IGF2BP2: variants seen among roughly 807,000 people sequenced by gnomAD.
IGF2BP2 encodes insulin-like growth factor 2 mRNA-binding protein 2.
IGF2BP2 carries 17 observed loss-of-function variants against 75.8 expected under a neutral mutation model. The ratio of observed to expected loss-of-function variants is 0.22; its 90% CI spans 0.15 to 0.34. The LOEUF (loss-of-function observed/expected upper bound fraction) is 0.34. Among genes scored for constraint, IGF2BP2 ranks in the 10% least tolerant of loss-of-function variants. The pLI, the probability that IGF2BP2 is intolerant of heterozygous loss-of-function variation, is 1.00. For missense variants in IGF2BP2, 516 were observed against 772.4 expected (o/e 0.67, Z 3.93); for synonymous variants, 288 against 295.6 (o/e 0.97, Z 0.26).
At chr3:185,687,265 C>A in intron 6 of IGF2BP2, 74 bp from the exon 7 acceptor site, 1 of 1,460,652 alleles carries the variant, frequency 6.8e-7, no homozygotes, top group South Asian at 1.4e-5. Context: ...AAGCGTCACA[C>A]CAACCCATGT....
intron 7 of IGF2BP2, among the ~76,000 whole-genome samples, chr3:185,677,066 T>TAGAGAGAGAGAGAGAG (rs1185215668): frequency 3.4e-4 from 13 of 38,380 alleles, no homozygotes; most frequent in African/African-American, 1.5e-3. Context: ...TATATATATA[T>TAGAGAGAGAGAGAGAG]ATAGAGAGAG....
intron 2 of IGF2BP2, among the ~76,000 whole-genome samples, chr3:185,703,732 C>A (rs1723624481): frequency 6.6e-6 from 1 of 152,104 alleles, no homozygotes; most frequent in Admixed American, 6.6e-5. Flanking sequence ...CGAGACTGAG[C>A]CACTGCACTC....
At chr3:185,659,008 A>G (rs1715943895) in intron 10 of IGF2BP2, among the ~76,000 whole-genome samples, 1 of 152,144 alleles carries the variant, frequency 6.6e-6, no homozygotes, top group Non-Finnish European at 1.5e-5. Context: ...TGGGTTCAGG[A>G]ACTTGAGACT....
At chr3:185,663,809 T>G (rs1716862309) in intron 10 of IGF2BP2, among the ~76,000 whole-genome samples, 2 of 152,382 alleles carry the variant, frequency 1.3e-5, no homozygotes, top group Admixed American at 1.3e-4. Flanking sequence ...ATGATTGATT[T>G]GCATATGTCA....
rs1737053342 is a variant in IGF2BP2, at chr3:185,794,331, A to T, written c.239+28822T>A. ...GGTGTGTCTGGCTCCTTATCCTCAC[A>T]CAGGCAGTTGTTCCTAAATATTTCT... On this transcript the variant is annotated intron_variant, in intron 2 of 15. Coordinates refer to ENST00000382199, the MANE Select transcript of IGF2BP2 (RefSeq NM_006548.6). Among the ~76,000 whole-genome samples, 3 of 85,410 alleles carry T rather than the reference A, an allele frequency of 3.5e-5. 1 individual carries two copies. Among genetic ancestry groups the T allele is most frequent in the African/African-American group, 5.8e-5 (1 of 17,294 alleles). 56.0% of individuals were successfully genotyped at this position (85,410 alleles called of 152,430 possible).
chr3:185,777,235 G>A (rs374842847), intron 2 of IGF2BP2, among the ~76,000 whole-genome samples: 16 of 152,294 alleles, frequency 1.1e-4, no homozygotes, highest in African/African-American at 3.4e-4. Context: ...ATAAAGAAGA[G>A]TTAAGTTTTT....
chr3:185,752,682 C>T (rs923190795), intron 2 of IGF2BP2, among the ~76,000 whole-genome samples: 2 of 152,030 alleles, frequency 1.3e-5, no homozygotes, highest in African/African-American at 4.8e-5. Context: ...CTCCACCTCC[C>T]GGGTTCAAGC....
At chr3:185,769,466 T>TA (rs1211975229) in intron 2 of IGF2BP2, among the ~76,000 whole-genome samples, 4 of 151,948 alleles carry the variant, frequency 2.6e-5, no homozygotes, top group Non-Finnish European at 4.4e-5. Flanking sequence ...CATAACCAAG[T>TA]AAAGGTATTC....
At chr3:185,811,422 A>G (rs541600245) in intron 2 of IGF2BP2, among the ~76,000 whole-genome samples, 1 of 152,320 alleles carries the variant, frequency 6.6e-6, no homozygotes, top group East Asian at 1.9e-4. Flanking sequence ...TGTGGCAGAG[A>G]CTGCAAACTG....
In IGF2BP2 at chr3:185,823,137, A is replaced by G. The variant is rs750393330; in HGVS notation, c.239+16T>C. The G allele has an allele frequency of 8.9e-6, 14 of 1,568,762 alleles. No individual in the cohort carries two copies. Among genetic ancestry groups the G allele is most frequent in the African/African-American group, 2.8e-5 (2 of 72,400 alleles). ...AAGGCCAATCGCAAAAAAAAAACTA[A>G]GCAAAGTATATTTACCTTAGCTTTT... On this transcript the variant is annotated intron_variant, in intron 2 of 15. Coordinates refer to ENST00000382199, the MANE Select transcript of IGF2BP2 (RefSeq NM_006548.6).
At chr3:185,814,286 TTAAA>T (rs1330251780) in intron 2 of IGF2BP2, among the ~76,000 whole-genome samples, 2 of 152,286 alleles carry the variant, frequency 1.3e-5, no homozygotes, top group South Asian at 2.1e-4. Context: ...TCTGACTCTC[TTAAA>T]TAAAGGGGCA....
At chr3:185,784,678 G>A (rs1560465405) in intron 2 of IGF2BP2, among the ~76,000 whole-genome samples, 1 of 152,250 alleles carries the variant, frequency 6.6e-6, no homozygotes, top group South Asian at 2.1e-4. Context: ...ACTGGTAGTA[G>A]AAACCAAGTC....
chr3:185,790,548 A>G (rs1423174755), intron 2 of IGF2BP2, among the ~76,000 whole-genome samples: 1 of 152,180 alleles, frequency 6.6e-6, no homozygotes, highest in African/African-American at 2.4e-5. Context: ...AACCCCAGCC[A>G]CCAGCCAATC....
intron 2 of IGF2BP2, among the ~76,000 whole-genome samples, chr3:185,747,281 G>A (rs754860944): frequency 7.9e-5 from 12 of 152,136 alleles, no homozygotes; most frequent in African/African-American, 2.2e-4. Context: ...GTAACGCTAC[G>A]ATTTATCACT....
At chr3:185,754,652 T>A (rs546651996) in intron 2 of IGF2BP2, among the ~76,000 whole-genome samples, 2 of 151,982 alleles carry the variant, frequency 1.3e-5, no homozygotes, top group African/African-American at 4.8e-5. Context: ...GATAGAGATA[T>A]GGACAGTGAA....
chr3:185,713,043 G>C (rs1163943029), intron 2 of IGF2BP2, among the ~76,000 whole-genome samples: 4 of 152,086 alleles, frequency 2.6e-5, no homozygotes, highest in Non-Finnish European at 5.9e-5. Context: ...ACAGAATAGA[G>C]GGTGTTGCAT....
Position 185,820,216 on chromosome 3 carries a change from GTA to G in IGF2BP2, c.239+2935_239+2936del, listed in dbSNP as rs200318221. 9.8e-4 allele frequency among the ~76,000 whole-genome samples: 129 copies of G among 131,686 alleles called. 1 individual carries two copies. Among genetic ancestry groups the G allele is most frequent in the South Asian group, 5.9e-3 (25 of 4,248 alleles). 86.4% of individuals were successfully genotyped at this position (131,686 alleles called of 152,430 possible). A position where few individuals can be genotyped will look rare whatever the true frequency, so the allele number is the denominator to read the frequency against. ...CAAGGCATGCAGTATGTGTGTGTGTGTATGTGTATATATACACATACACACAC... is the reference window on the plus strand; with the variant it reads ...CAAGGCATGCAGTATGTGTGTGTGTGTGTGTATATATACACATACACACAC... On this transcript the variant is annotated intron_variant, in intron 2 of 15. Coordinates refer to ENST00000382199, the MANE Select transcript of IGF2BP2 (RefSeq NM_006548.6).
chr3:185,749,645 G>C (rs1448998860), intron 2 of IGF2BP2, among the ~76,000 whole-genome samples: 1 of 152,056 alleles, frequency 6.6e-6, no homozygotes, highest in African/African-American at 2.4e-5. Flanking sequence ...CTCTTTTCTG[G>C]ACATAACTTC....
chr3:185,724,030 A>G (rs1379130181), intron 2 of IGF2BP2, among the ~76,000 whole-genome samples: 3 of 152,182 alleles, frequency 2.0e-5, no homozygotes, highest in African/African-American at 7.2e-5. Flanking sequence ...CGGTAACTCT[A>G]CGTGGGGCTG....
Sources: allele counts gnomAD v4.1 joint callset (sites outside exome capture counted in the v4.1 genomes callset), GRCh38; gene constraint gnomAD v4.1.1; transcripts MANE v1.5; gene names NCBI Gene and HGNC (gene_info 2026-07-23, HGNC 2026-07-21).